The following VMP1 variants were observed in gnomAD, a reference collection of about 807,000 sequenced individuals.
The protein encoded by VMP1 is vacuole membrane protein 1, also known as ectopic P-granules autophagy protein 3 homolog.
In VMP1, 11 loss-of-function variants were observed where a neutral mutation model predicts 56.0. That is an observed-to-expected ratio of 0.20 (90% CI 0.12 to 0.32). The LOEUF is 0.32. Ranked by LOEUF, VMP1 falls within the 10% of genes least tolerant of loss-of-function variation. The pLI is 1.00. For synonymous variants in VMP1, 149 were observed against 165.0 expected (o/e 0.90, Z 0.74); for missense variants, 296 against 490.3 (o/e 0.60, Z 3.74).
intron 4 of VMP1, 59 bp downstream of exon 4, chr17:59,737,602 G>T: frequency 7.0e-7 from 1 of 1,422,036 alleles, no homozygotes; most frequent in Non-Finnish European, 9.6e-7. Flanking sequence ...TCTAATCTCA[G>T]TTTCAAATGG....
At chr17:59,805,178 C>CA (rs747053445) in intron 7 of VMP1, among the ~76,000 whole-genome samples, 20 of 151,782 alleles carry the variant, frequency 1.3e-4, no homozygotes, top group Non-Finnish European at 2.6e-4. Flanking sequence ...TCTTTGTGCT[C>CA]AAAAAAAAGA....
rs546173240 is a variant in VMP1 at position 59,818,439 on chromosome 17, T to C, written c.974+666T>C. On this transcript the variant is annotated intron_variant, in intron 10 of 11. Transcript: ENST00000262291. ...CATAATATTAACAAAATTTGTCAGG[T>C]CTCTATTACTTCACTAGAGAAAAAT... Among the ~76,000 whole-genome samples, 4 of 152,102 alleles carry C rather than the reference T, an allele frequency of 2.6e-5. No individual in the cohort carries two copies. In the East Asian group the frequency reaches 5.8e-4, roughly 22 times the overall value.
intron 10 of VMP1, among the ~76,000 whole-genome samples, chr17:59,825,733 A>T (rs2038627189): frequency 6.6e-6 from 1 of 152,236 alleles, no homozygotes; most frequent in African/African-American, 2.4e-5. Context: ...TTTACCAGAT[A>T]CAGAATGTTC....
intron 7 of VMP1, among the ~76,000 whole-genome samples, chr17:59,798,877 A>G (rs549433613): frequency 1.2e-4 from 19 of 152,250 alleles, no homozygotes; most frequent in African/African-American, 4.3e-4. Context: ...CAAGAGCGAA[A>G]CTCCGTCTCA....
chr17:59,746,345 T>C (rs887520550), intron 5 of VMP1, among the ~76,000 whole-genome samples: 7 of 152,202 alleles, frequency 4.6e-5, no homozygotes, highest in Non-Finnish European at 7.3e-5. Flanking sequence ...CTAATTTTTG[T>C]ATTTTTAGTA....
chr17:59,782,897 G>A (rs1351384266), intron 7 of VMP1, among the ~76,000 whole-genome samples: 1 of 152,132 alleles, frequency 6.6e-6, no homozygotes, highest in Non-Finnish European at 1.5e-5. Flanking sequence ...AATGGTGTAT[G>A]TGATTTTACT....
chr17:59,770,410 T>C (rs2036381496), intron 6 of VMP1, among the ~76,000 whole-genome samples: 1 of 152,144 alleles, frequency 6.6e-6, no homozygotes, highest in African/African-American at 2.4e-5. Flanking sequence ...ATCTATACCC[T>C]TTCTCATTCT....
intron 7 of VMP1, among the ~76,000 whole-genome samples, chr17:59,806,431 A>T (rs951221187): frequency 3.9e-5 from 6 of 152,230 alleles, no homozygotes; most frequent in African/African-American, 1.4e-4. Flanking sequence ...TTGTTTAAAA[A>T]TATTAAATCT....
At chr17:59,839,471 G>A (rs1598475302) in intron 11 of VMP1, 1 of 308,476 alleles carries the variant, frequency 3.2e-6, no homozygotes. Flanking sequence ...CGACTTCAGA[G>A]TTGAGTTTAA....
chr17:59,749,168 A>G (rs985853593), intron 5 of VMP1, among the ~76,000 whole-genome samples: 9 of 149,236 alleles, frequency 6.0e-5, no homozygotes, highest in African/African-American at 1.7e-4. Flanking sequence ...TGTGTTAGTC[A>G]TGCTGGCCTT....
At chr17:59,724,947 C>G (rs2034542339) in intron 1 of VMP1, among the ~76,000 whole-genome samples, 1 of 148,678 alleles carries the variant, frequency 6.7e-6, no homozygotes, top group Admixed American at 6.7e-5. Flanking sequence ...GCCTGGGCGA[C>G]AGAATGAGAC....
chr17:59,758,077 A>T (rs1040800643), intron 5 of VMP1, among the ~76,000 whole-genome samples: 2 of 151,802 alleles, frequency 1.3e-5, no homozygotes, highest in African/African-American at 4.8e-5. Context: ...CCTGGGCTCC[A>T]GTGAGTGTCC....
At chr17:59,710,133 C>A (rs2143682510) in intron 1 of VMP1, among the ~76,000 whole-genome samples, 1 of 152,080 alleles carries the variant, frequency 6.6e-6, no homozygotes, top group South Asian at 2.1e-4. Flanking sequence ...GGAGGCGGAG[C>A]TTGCAGTGAG....
chr17:59,764,949 G>T (rs759010223), intron 5 of VMP1, 22 bp from the exon 6 acceptor site: 9 of 1,487,824 alleles, frequency 6.0e-6, no homozygotes, highest in Non-Finnish European at 7.2e-6. Context: ...CTTATCAGAA[G>T]TTTCTTGTAT....
chr17:59,728,128 T>C (rs901916547), intron 1 of VMP1, among the ~76,000 whole-genome samples: 1 of 152,246 alleles, frequency 6.6e-6, no homozygotes, highest in South Asian at 2.1e-4. Flanking sequence ...CAGTGATGAA[T>C]GTGTGCTTTT....
chr17:59,817,221 T>A (rs1452280158), intron 9 of VMP1, among the ~76,000 whole-genome samples: 9 of 117,030 alleles, frequency 7.7e-5, no homozygotes, highest in Admixed American at 1.1e-4. Flanking sequence ...TTGCGGTGAG[T>A]TGAGATCACG....
intron 5 of VMP1, among the ~76,000 whole-genome samples, chr17:59,757,801 A>G (rs1337949681): frequency 1.3e-5 from 2 of 151,378 alleles, no homozygotes; most frequent in Middle Eastern, 3.2e-3. Context: ...TGTTGATTTA[A>G]CTTCGTCTAG....
In VMP1 at chr17:59,832,794, A is replaced by G. The variant is rs1387468905; in HGVS notation, c.975-5501A>G. On this transcript the variant is annotated intron_variant, in intron 10 of 11. Coordinates refer to ENST00000262291, the MANE Select transcript of VMP1 (RefSeq NM_030938.5). ...TTTTTTTTTTTTTTGTATTTTTAGT[A>G]GAGACAGGGTTTCACCATGTTGGCT... Among the ~76,000 whole-genome samples the G allele has an allele frequency of 3.0e-4, 33 of 109,500 alleles. 1 individual carries two copies. Among genetic ancestry groups the G allele is most frequent in the Middle Eastern group, 0.018 (2 of 110 alleles). 71.8% of individuals were successfully genotyped at this position (109,500 alleles called of 152,430 possible). A position where few individuals can be genotyped will look rare whatever the true frequency, so the allele number is the denominator to read the frequency against.
At chr17:59,794,467 C>T (rs1042552832) in intron 7 of VMP1, among the ~76,000 whole-genome samples, 5 of 149,980 alleles carry the variant, frequency 3.3e-5, no homozygotes, top group South Asian at 2.1e-4. Flanking sequence ...ATCTGCCCGC[C>T]TCGGCCTCCC....
Sources: allele counts gnomAD v4.1 joint callset (sites outside exome capture counted in the v4.1 genomes callset), GRCh38; gene constraint gnomAD v4.1.1; transcripts MANE v1.5; gene names NCBI Gene and HGNC (gene_info 2026-07-23, HGNC 2026-07-21).